The following SSBP3 variants were observed in gnomAD, a reference collection of about 807,000 sequenced individuals.
SSBP3 encodes the protein single-stranded DNA-binding protein 3.
Under a neutral mutation model 69.6 loss-of-function variants are expected in SSBP3, and 5 were observed. The observed-to-expected ratio is 0.07, with a 90% confidence interval of 0.04 to 0.15. The LOEUF (loss-of-function observed/expected upper bound fraction) is 0.15, where lower values mean the gene tolerates loss of function less well. Ranked by LOEUF, SSBP3 falls within the 10% of genes least tolerant of loss-of-function variation. The pLI, the probability that SSBP3 is intolerant of heterozygous loss-of-function variation, is 1.00. For synonymous variants in SSBP3, 196 were observed against 193.4 expected (o/e 1.01, Z -0.11); for missense variants, 312 against 534.0 (o/e 0.58, Z 4.10).
chr1:54,230,887 A>G (rs116588722), intron 14 of SSBP3, among the ~76,000 whole-genome samples: 3,409 of 152,346 alleles, frequency 0.022, 131 homozygotes, highest in African/African-American at 0.078. Context: ...GTATGGATAT[A>G]CCACATTTCA....
At chr1:54,290,868 T>C (rs529496375) in intron 4 of SSBP3, among the ~76,000 whole-genome samples, 3 of 152,212 alleles carry the variant, frequency 2.0e-5, no homozygotes, top group East Asian at 1.9e-4. Flanking sequence ...TTGTACAACG[T>C]TGATTTTCTT....
upstream of SSBP3, among the ~76,000 whole-genome samples, chr1:54,407,447 TGAG>T (rs1649856722): frequency 6.8e-6 from 1 of 147,280 alleles, no homozygotes; most frequent in South Asian, 2.2e-4. Flanking sequence ...AATGGGAAAT[TGAG>T]GGGGGGGCTG....
chr1:54,244,458 G>A (rs1422887736), intron 9 of SSBP3, among the ~76,000 whole-genome samples: 1 of 151,212 alleles, frequency 6.6e-6, no homozygotes, highest in African/African-American at 2.4e-5. Context: ...CATTGCCCAG[G>A]CTGGTCTCGA....
chr1:54,322,863 A>C (rs1171697284), intron 4 of SSBP3, among the ~76,000 whole-genome samples: 1 of 152,146 alleles, frequency 6.6e-6, no homozygotes, highest in Admixed American at 6.5e-5. Flanking sequence ...TAAAACAGGA[A>C]CCCATACAAT....
chr1:54,315,956 C>T (rs1646089923), intron 4 of SSBP3, among the ~76,000 whole-genome samples: 1 of 152,192 alleles, frequency 6.6e-6, no homozygotes, highest in African/African-American at 2.4e-5. Context: ...GCCATTGCAC[C>T]TGGCCAAGAC....
intron 7 of SSBP3, among the ~76,000 whole-genome samples, chr1:54,253,167 TGTTTTTGTTTTTTTTTTA>T (rs1299534235): frequency 1.2e-4 from 16 of 133,412 alleles, no homozygotes; most frequent in East Asian, 1.0e-3. Context: ...AATTGGTATT[TGTTTTTGTTTTTTTTTTA>T]GTTTTTGTTT....
intron 10 of SSBP3, 27 bp downstream of exon 10, chr1:54,243,208 C>T: frequency 2.5e-6 from 4 of 1,611,688 alleles, no homozygotes; most frequent in Non-Finnish European, 3.4e-6. Flanking sequence ...GGACTCTGAG[C>T]CACGGGCCGG....
intron 5 of SSBP3, among the ~76,000 whole-genome samples, chr1:54,279,685 G>A (rs1312674607): frequency 2.6e-5 from 4 of 152,176 alleles, no homozygotes; most frequent in Non-Finnish European, 4.4e-5. Context: ...ATTCCCAACT[G>A]GACAGAACGC....
intron 4 of SSBP3, among the ~76,000 whole-genome samples, chr1:54,363,329 G>A (rs922106823): frequency 2.6e-5 from 4 of 152,318 alleles, no homozygotes; most frequent in Middle Eastern, 3.4e-3. Flanking sequence ...CAAAAGGGAA[G>A]ACCCACACAG....
chr1:54,397,208 C>T (rs980930083), intron 4 of SSBP3, among the ~76,000 whole-genome samples: 15 of 152,352 alleles, frequency 9.8e-5, no homozygotes, highest in African/African-American at 3.6e-4. Context: ...CACACTCCCC[C>T]AGCTCTTTGC....
chr1:54,391,807 G>A (rs755551019), intron 4 of SSBP3, among the ~76,000 whole-genome samples: 1 of 152,102 alleles, frequency 6.6e-6, no homozygotes, highest in Non-Finnish European at 1.5e-5. Flanking sequence ...GATGCCTTAC[G>A]ACCTATTCTC....
At chr1:54,337,485 C>CTTTTTGCTTTTTTT (rs1646529318) in intron 4 of SSBP3, among the ~76,000 whole-genome samples, 1 of 51,134 alleles carries the variant, frequency 2.0e-5, no homozygotes. Context: ...TTTCCTCAAG[C>CTTTTTGCTTTTTTT]TTTTTTTTTT....
chr1:54,327,305 A>C (rs1011896109), intron 4 of SSBP3, among the ~76,000 whole-genome samples: 5 of 151,960 alleles, frequency 3.3e-5, no homozygotes, highest in African/African-American at 4.8e-5. Context: ...AAAACCCCCC[A>C]AAAAAACAGG....
At chr1:54,303,327 T>TC (rs1173116206) in intron 4 of SSBP3, among the ~76,000 whole-genome samples, 1 of 151,700 alleles carries the variant, frequency 6.6e-6, no homozygotes, top group African/African-American at 2.4e-5. Context: ...TTCTGATGCC[T>TC]CGCTGCCCTT....
chr1:54,371,228 A>G (rs912110465), intron 4 of SSBP3, among the ~76,000 whole-genome samples: 6 of 152,232 alleles, frequency 3.9e-5, no homozygotes, highest in Admixed American at 6.5e-5. Flanking sequence ...TGTTCTCACA[A>G]GACTAAGTTG....
chr1:54,386,553 GA>G (rs1648093177), intron 4 of SSBP3, among the ~76,000 whole-genome samples: 1 of 152,156 alleles, frequency 6.6e-6, no homozygotes, highest in Admixed American at 6.5e-5. Flanking sequence ...GTCAGCAGGG[GA>G]AGCAACGACA....
intron 13 of SSBP3, 80 bp downstream of exon 13, chr1:54,240,825 C>A: frequency 1.3e-6 from 2 of 1,574,682 alleles, no homozygotes; most frequent in South Asian, 2.3e-5. Flanking sequence ...GGCTCTGCAA[C>A]AGTGCCCCTC....
intron 4 of SSBP3, among the ~76,000 whole-genome samples, chr1:54,327,217 A>AAAGGAAGGAAGGAAGGAAGGAAGGAAGG (rs55892071): frequency 5.2e-5 from 7 of 134,164 alleles, no homozygotes; most frequent in East Asian, 4.2e-4. Flanking sequence ...AAGAGAGGGA[A>AAAGGAAGGAAGGAAGGAAGGAAGGAAGG]AAGGAAGGAA....
At chr1:54,257,403 G>C (rs888210454) in intron 6 of SSBP3, 1 of 507,718 alleles carries the variant, frequency 2.0e-6, no homozygotes, top group South Asian at 3.2e-5. Flanking sequence ...ACATTTGTTC[G>C]TGGAGATCTA....
Sources: gnomAD v4.1 joint callset for allele counts (sites outside exome capture counted in the v4.1 genomes callset) on GRCh38, gnomAD v4.1.1 for gene constraint, MANE v1.5 for transcripts, NCBI Gene and HGNC (gene_info 2026-07-23, HGNC 2026-07-21) for gene names.